The following CLRN1 variants were observed in gnomAD, a reference collection of about 807,000 sequenced individuals.
CLRN1 encodes clarin-1.
A neutral mutation model predicts 18.7 loss-of-function variants in CLRN1; 15 were observed. The observed-to-expected ratio is 0.80, with a 90% CI of 0.54 to 1.23. The LOEUF (loss-of-function observed/expected upper bound fraction) is 1.23, where lower values mean the gene tolerates loss of function less well. Among genes scored for constraint, CLRN1 ranks in the 50% most tolerant of loss-of-function variants. CLRN1 has a pLI of 0.00. For synonymous variants in CLRN1, 104 were observed against 102.9 expected (o/e 1.01, Z -0.07); for missense variants, 311 against 277.5 (o/e 1.12, Z -0.86).
At chr3:150,951,625 A>G (rs1714487978) in intron 1 of CLRN1, among the ~76,000 whole-genome samples, 1 of 152,138 alleles carries the variant, frequency 6.6e-6, no homozygotes, top group South Asian at 2.1e-4. Flanking sequence ...GGTGTCAGTC[A>G]CCGCGCCCGG....
intron 2 of CLRN1, among the ~76,000 whole-genome samples, chr3:150,929,638 A>T (rs1713033788): frequency 6.6e-6 from 1 of 152,258 alleles, no homozygotes; most frequent in South Asian, 2.1e-4. Context: ...AATGCTTACT[A>T]ATTGGTAGCT....
chr3:150,961,786 A>G (rs1224072520), intron 1 of CLRN1, among the ~76,000 whole-genome samples: 1 of 152,190 alleles, frequency 6.6e-6, no homozygotes, highest in Admixed American at 6.5e-5. Context: ...GCAGCCAGTC[A>G]TTATGAAAAT....
chr3:150,942,658 C>A, intron 1 of CLRN1: 1 of 433,294 alleles, frequency 2.3e-6, no homozygotes, highest in South Asian at 1.7e-5. Context: ...AGAAGACAGA[C>A]CATTAGAAAG....
chr3:150,957,695 G>T (rs1174881550), intron 1 of CLRN1, among the ~76,000 whole-genome samples: 1 of 152,128 alleles, frequency 6.6e-6, no homozygotes, highest in Admixed American at 6.5e-5. Context: ...GTCTCGCTCT[G>T]TCGCCCAGGC....
chr3:150,940,332 T>C, intron 2 of CLRN1: 2 of 594,376 alleles, frequency 3.4e-6, no homozygotes, highest in Non-Finnish European at 5.5e-6. Flanking sequence ...CTAAGCAGTG[T>C]GCACAAGTAA....
intron 2 of CLRN1, among the ~76,000 whole-genome samples, 198 bp from the exon 3 acceptor site, chr3:150,928,399 T>C (rs1712949143): frequency 6.6e-6 from 1 of 152,198 alleles, no homozygotes; most frequent in Non-Finnish European, 1.5e-5. Context: ...ATGGTTCTGC[T>C]CTGAGTGAAG....
At chr3:150,942,137 A>G (rs543133049) in intron 1 of CLRN1, among the ~76,000 whole-genome samples, 20 of 152,292 alleles carry the variant, frequency 1.3e-4, no homozygotes, top group African/African-American at 4.1e-4. Context: ...ATGATATTTT[A>G]AGTTTGGAGA....
At chr3:150,947,185 T>C (rs1422180914) in intron 1 of CLRN1, among the ~76,000 whole-genome samples, 1 of 151,538 alleles carries the variant, frequency 6.6e-6, no homozygotes, top group African/African-American at 2.4e-5. Flanking sequence ...AGGACACCCA[T>C]AGGTCCAAAA....
In CLRN1 at chr3:150,972,561, A is replaced by G; in HGVS notation, c.148T>C (p.Ser50Pro). 6.2e-7 allele frequency: 1 copy of G among 1,614,090 alleles called. No individual in the cohort carries two copies. The highest frequency in any genetic ancestry group is 8.5e-7 in the Non-Finnish European group (1 of 1,179,916). The change falls in exon 1 of 3, where the codon TCA becomes CCA. Residue 50 changes from serine (S) to proline (P), a missense_variant. Coordinates refer to ENST00000327047, the MANE Select transcript of CLRN1 (RefSeq NM_174878.3). ...ATAAACTTGTCCAGCTCCTGCCCTGAGGCATTGACGAGCAGAGCTCCCGTT... is the reference window on the plus strand; with the variant it reads ...ATAAACTTGTCCAGCTCCTGCCCTGGGGCATTGACGAGCAGAGCTCCCGTT... The part of the protein sequence containing the change: ...CKTGALLVNA[S>P]GQELDKFMGE...
rs1341392659 is a variant in CLRN1 at position 150,953,733 on chromosome 3, G to C, written c.254-11972C>G. Among the ~76,000 whole-genome samples the C allele has an allele frequency of 1.3e-5, 2 of 152,240 alleles. 1 individual carries two copies. The highest frequency in any genetic ancestry group is 3.9e-4 in the East Asian group (2 of 5,178). On this transcript the variant is annotated intron_variant, in intron 1 of 2. Coordinates refer to ENST00000327047, the MANE Select transcript of CLRN1 (RefSeq NM_174878.3). ...GGGTTTCACCATGTTGACCAGGCTA[G>C]TCTTGAACTCCTGTCCTCAAGTGAT...
intron 1 of CLRN1, among the ~76,000 whole-genome samples, chr3:150,962,750 C>A (rs2107983315): frequency 6.6e-6 from 1 of 152,258 alleles, no homozygotes; most frequent in South Asian, 2.1e-4. Context: ...GATATCTCTG[C>A]CTTACACCTA....
At chr3:150,949,863 AAGC>A (rs752900993) in intron 1 of CLRN1, among the ~76,000 whole-genome samples, 15 of 152,226 alleles carry the variant, frequency 9.9e-5, no homozygotes, top group Non-Finnish European at 2.1e-4. Context: ...AGGTAATTCT[AAGC>A]AAAAAGAATA....
chr3:150,943,868 A>G (rs1714004897), intron 1 of CLRN1: 1 of 1,614,004 alleles, frequency 6.2e-7, no homozygotes, highest in South Asian at 1.1e-5. Context: ...CACAGCACTA[A>G]AGCAGCCAGC....
In CLRN1 at chr3:150,941,718, G is replaced by A. The variant is rs371895104; in HGVS notation, c.297C>T (p.Val99=). 1 of 1,613,970 alleles carries A rather than the reference G, an allele frequency of 6.2e-7. No homozygotes were observed. Among genetic ancestry groups the A allele is most frequent in the Admixed American group, 1.7e-5 (1 of 59,992 alleles). ...GGATGGCAGAGAAGAGAATGACATT[G>A]ACGTGGATGCTCACTGGGATTGCTT... ...LLKAIPVSIH[V]NVILFSAILI... is the part of the protein sequence containing the mutation. Residue 99 remains valine, a synonymous_variant, in exon 2 of 3, where the codon GTC becomes GTT. Transcript: ENST00000327047.
chr3:150,945,926 A>C (rs971952399), intron 1 of CLRN1, among the ~76,000 whole-genome samples: 8 of 152,232 alleles, frequency 5.3e-5, no homozygotes, highest in Non-Finnish European at 1.2e-4. Flanking sequence ...ATTTTATCCT[A>C]TGAATATTTT....
At chr3:150,952,471 T>C (rs1714539634) in intron 1 of CLRN1, among the ~76,000 whole-genome samples, 1 of 152,150 alleles carries the variant, frequency 6.6e-6, no homozygotes, top group South Asian at 2.1e-4. Flanking sequence ...GTAGATTCGG[T>C]GTATTAAAAG....
chr3:150,943,418 G>GA (rs1713971548), intron 1 of CLRN1, among the ~76,000 whole-genome samples: 1 of 152,164 alleles, frequency 6.6e-6, no homozygotes, highest in African/African-American at 2.4e-5. Context: ...AGAAGTGGCT[G>GA]GACATCAGAG....
At chr3:150,959,701 T>C (rs754073632) in intron 1 of CLRN1, among the ~76,000 whole-genome samples, 18 of 152,012 alleles carry the variant, frequency 1.2e-4, no homozygotes, top group Non-Finnish European at 2.6e-4. Context: ...AACTGCTAAG[T>C]ATGTTCCTTT....
At chr3:150,952,798 T>C (rs1261202179) in intron 1 of CLRN1, among the ~76,000 whole-genome samples, 1 of 152,206 alleles carries the variant, frequency 6.6e-6, no homozygotes, top group African/African-American at 2.4e-5. Flanking sequence ...ATTTGCCTCC[T>C]GGAAAAGCCA....
Sources: gnomAD v4.1 joint callset for allele counts (sites outside exome capture counted in the v4.1 genomes callset) on GRCh38, gnomAD v4.1.1 for gene constraint, MANE v1.5 for transcripts, NCBI Gene and HGNC (gene_info 2026-07-23, HGNC 2026-07-21) for gene names.